The following PRPF3 variants were observed in gnomAD, a reference collection of about 807,000 sequenced individuals.
PRPF3 encodes pre-mRNA processing factor 3, also known as U4/U6 small nuclear ribonucleoprotein Prp3.
Under a neutral mutation model 89.2 loss-of-function variants are expected in PRPF3, and 3 were observed. The ratio of observed to expected loss-of-function variants is 0.03; its 90% CI spans 0.02 to 0.09. The LOEUF is 0.09. Among genes scored for constraint, PRPF3 ranks in the 10% least tolerant of loss-of-function variants. The probability of loss-of-function intolerance (pLI) is 1.00; values close to 1 mark genes in which losing one functional copy is unlikely to be tolerated. For missense variants in PRPF3, 463 were observed against 828.8 expected, an observed-to-expected ratio of 0.56 and a Z score of 5.42; for synonymous variants, 270 against 289.1, an observed-to-expected ratio of 0.93 and a Z score of 0.67.
At chr1:150,341,855 C>A (rs973877752) in intron 9 of PRPF3, among the ~76,000 whole-genome samples, 2 of 151,608 alleles carry the variant, frequency 1.3e-5, no homozygotes, top group African/African-American at 4.8e-5. Flanking sequence ...AGGTGCCTGC[C>A]ACCACACCTG....
In PRPF3 at chr1:150,340,502, G is replaced by A. The variant is rs117293702; in HGVS notation, c.1282+25G>A. The A allele has an allele frequency of 1.2e-4, 178 of 1,539,394 alleles. No homozygotes were observed. In the East Asian group the frequency reaches 3.9e-3, roughly 33 times the overall value. On this transcript the variant is annotated intron_variant, in intron 9 of 15. Coordinates refer to ENST00000324862, the MANE Select transcript of PRPF3 (RefSeq NM_004698.4). ...GGTAATGTATAGATTCCTGAATCAAGTCTCTAGAGCAGCATTACCCATTGG... is the reference window on the plus strand; with the variant it reads ...GGTAATGTATAGATTCCTGAATCAAATCTCTAGAGCAGCATTACCCATTGG...
chr1:150,344,172 T>C lies in PRPF3; in HGVS notation c.1437T>C (p.Ser479=). 1 of 1,613,730 alleles carries C rather than the reference T, an allele frequency of 6.2e-7. No individual in the cohort carries two copies. Among genetic ancestry groups the C allele is most frequent in the Non-Finnish European group, 8.5e-7 (1 of 1,179,994 alleles). The change falls in exon 11 of 16, where the codon TCT becomes TCC. Residue 479 remains serine, a synonymous_variant. Transcript: ENST00000324862. ...MPPPEPKVRI[S]NLMRVLGTEA... is the part of the protein sequence containing the mutation. ...CTCTCTTCACTGCAGTGAGAATTTC[T>C]AATTTGATGCGAGTATTAGGAACAG... is the stretch of plus-strand genomic sequence containing the variant.
chr1:150,338,308 T>C lies in PRPF3; in HGVS notation c.1184T>C (p.Ile395Thr). The change falls in exon 8 of 16, where the codon ATC becomes ACC. Residue 395 changes from isoleucine to threonine, a missense_variant. Ile to Thr is a moderately conservative substitution (Grantham distance 89). Around this residue, in one of 8 missense-constraint regions of PRPF3, gnomAD observed 261 missense variants for 475.8 expected, o/e 0.55. Coordinates refer to ENST00000324862, the MANE Select transcript of PRPF3 (RefSeq NM_004698.4). Reference sequence around the variant, plus strand: ...ATTGAGTGGTGGGACTCTTACATAATCCCCAATGGCTTTGATCTGTGAGTT... The same window carrying C: ...ATTGAGTGGTGGGACTCTTACATAACCCCCAATGGCTTTGATCTGTGAGTT... ...PEIEWWDSYI[I>T]PNGFDLTEEN... 6.2e-7 allele frequency: 1 copy of C among 1,614,006 alleles called. No individual in the cohort carries two copies. The highest frequency in any genetic ancestry group is 8.5e-7 in the Non-Finnish European group (1 of 1,179,982).
chr1:150,349,664 C>T (rs781790199), intron 15 of PRPF3, among the ~76,000 whole-genome samples: 8 of 152,074 alleles, frequency 5.3e-5, no homozygotes, highest in Non-Finnish European at 1.2e-4. Flanking sequence ...ATTCTGTTGC[C>T]TTAGCTATTG....
intron 8 of PRPF3, among the ~76,000 whole-genome samples, chr1:150,339,440 T>A (rs1553869451): frequency 6.6e-6 from 1 of 151,798 alleles, no homozygotes; most frequent in Non-Finnish European, 1.5e-5. Flanking sequence ...ATCCATTTTT[T>A]TTTTTTTTTT....
At chr1:150,335,916 G>A (rs1365734284) in intron 7 of PRPF3, among the ~76,000 whole-genome samples, 4 of 151,984 alleles carry the variant, frequency 2.6e-5, no homozygotes, top group African/African-American at 9.7e-5. Flanking sequence ...CTGCAGGCAT[G>A]CGCCGCCATG....
chr1:150,334,700 G>T (rs782195659), intron 6 of PRPF3, among the ~76,000 whole-genome samples: 6 of 151,998 alleles, frequency 3.9e-5, no homozygotes, highest in South Asian at 2.1e-4. Flanking sequence ...CTCCTGAGTA[G>T]GTGGGACCAC....
In PRPF3 at chr1:150,324,875, T is replaced by G; in HGVS notation, c.-48-20T>G. ...TTTAGTCTTTTCTTATTCTCTAACTTGTCTCTTTTTTTTTTTTAGGTGTAG... is the reference window on the plus strand; with the variant it reads ...TTTAGTCTTTTCTTATTCTCTAACTGGTCTCTTTTTTTTTTTTAGGTGTAG... On this transcript the variant is annotated intron_variant, in intron 1 of 15. Transcript: ENST00000324862. 1 of 1,291,962 alleles carries G rather than the reference T, an allele frequency of 7.7e-7. No homozygotes were observed. The highest frequency in any genetic ancestry group is 1.0e-6 in the Non-Finnish European group (1 of 970,140). 80.0% of individuals were successfully genotyped at this position (1,291,962 alleles called of 1,614,324 possible).
At chr1:150,345,343 TTTTA>T (rs200871113) in intron 12 of PRPF3, among the ~76,000 whole-genome samples, 3 of 151,420 alleles carry the variant, frequency 2.0e-5, no homozygotes, top group African/African-American at 2.4e-5. Flanking sequence ...TATATATATA[TTTTA>T]TTTATTTATT....
At chr1:150,338,484 C>T (rs984140929) in intron 8 of PRPF3, among the ~76,000 whole-genome samples, 158 bp downstream of exon 8, 21 of 150,446 alleles carry the variant, frequency 1.4e-4, no homozygotes, top group South Asian at 2.1e-4. Context: ...AGTAACTGTA[C>T]ACAAGGTCCT....
chr1:150,330,872 A>T (rs1341418096), intron 4 of PRPF3, among the ~76,000 whole-genome samples: 6 of 148,376 alleles, frequency 4.0e-5, no homozygotes, highest in African/African-American at 1.5e-4. Context: ...ACGCGCCACC[A>T]CGCCTAGCTA....
At chr1:150,328,882 G>A (rs1330190288) in intron 4 of PRPF3, among the ~76,000 whole-genome samples, 1 of 152,046 alleles carries the variant, frequency 6.6e-6, no homozygotes, top group African/African-American at 2.4e-5. Context: ...AGTAGAGACA[G>A]GGTTTCACCA....
At chr1:150,345,803 TTAATG>T in intron 12 of PRPF3, 1 of 580,504 alleles carries the variant, frequency 1.7e-6, no homozygotes, top group Non-Finnish European at 3.1e-6. Context: ...AATGTAATGG[TTAATG>T]TAAAGTGCTA....
In PRPF3 at chr1:150,334,181, TG is replaced by T. The variant is rs1222644111; in HGVS notation, c.729-753del. Among the ~76,000 whole-genome samples the T allele has an allele frequency of 2.0e-5, 3 of 152,018 alleles. No homozygotes were observed. In the East Asian group the frequency reaches 5.8e-4, roughly 29 times the overall value. On this transcript the variant is annotated intron_variant, in intron 6 of 15. Transcript: ENST00000324862. The stretch of plus-strand genomic sequence containing the variant: ...TTAGCCAGGCATGGTAGAGCATGCG[TG>T]TAGTTCCAGCTACTTAGGAGGCTGA...
At chr1:150,322,516 A>G (rs1275381772) in intron 1 of PRPF3, among the ~76,000 whole-genome samples, 3 of 152,162 alleles carry the variant, frequency 2.0e-5, no homozygotes, top group Non-Finnish European at 4.4e-5. Context: ...TACATGTGTA[A>G]TATGTAGAAA....
At chr1:150,344,318 T>A (rs1658074202) in intron 11 of PRPF3, 57 bp downstream of exon 11, 1 of 1,613,740 alleles carries the variant, frequency 6.2e-7, no homozygotes, top group Admixed American at 1.7e-5. Context: ...CAAACTCTTC[T>A]GGGGGGTCCA....
At chr1:150,341,295 T>C (rs587664198) in intron 9 of PRPF3, among the ~76,000 whole-genome samples, 54 of 151,968 alleles carry the variant, frequency 3.6e-4, no homozygotes, top group Admixed American at 3.3e-3. Context: ...TGGGTTGGTG[T>C]GTTATTAGAT....
intron 4 of PRPF3, among the ~76,000 whole-genome samples, chr1:150,331,264 C>G (rs112265199): frequency 0.047 from 7,198 of 152,228 alleles, 431 homozygotes; most frequent in African/African-American, 0.13. Flanking sequence ...GTCTCGATCT[C>G]CTGACCTCGT....
intron 10 of PRPF3, 101 bp from the exon 11 acceptor site, chr1:150,344,061 T>C (rs587594966): frequency 2.9e-6 from 3 of 1,043,436 alleles, no homozygotes; most frequent in Non-Finnish European, 4.4e-6. Context: ...AGCAGAGATT[T>C]GAAATAGGTA....
Sources: gnomAD v4.1 joint callset for allele counts (sites outside exome capture counted in the v4.1 genomes callset) on GRCh38, gnomAD v4.1.1 for gene constraint, gnomAD v4.1.1 regional missense constraint, MANE v1.5 for transcripts, NCBI Gene and HGNC (gene_info 2026-07-23, HGNC 2026-07-21) for gene names.